Variants in JHY observed in about 807,000 individuals in gnomAD.
JHY encodes the protein junctional cadherin complex regulator.
Under a neutral mutation model 78.0 loss-of-function variants are expected in JHY, and 69 were observed. That is an observed-to-expected ratio of 0.88 (90% CI 0.73 to 1.08). The LOEUF is 1.08. Ranked by LOEUF, JHY falls within the 50% of genes least tolerant of loss-of-function variation. JHY has a pLI of 0.00. For missense variants in JHY, 944 were observed against 927.8 expected, an observed-to-expected ratio of 1.02 and a Z score of -0.23; for synonymous variants, 368 against 342.6, an observed-to-expected ratio of 1.07 and a Z score of -0.82.
At chr11:122,924,459 G>A (rs542314017) in intron 3 of JHY, among the ~76,000 whole-genome samples, 14 of 152,284 alleles carry the variant, frequency 9.2e-5, no homozygotes, top group South Asian at 2.1e-4. Flanking sequence ...AGAACTAAGG[G>A]CCTAGGACAG....
chr11:122,954,429 A>T (rs1202841357), intron 6 of JHY, among the ~76,000 whole-genome samples: 1 of 152,244 alleles, frequency 6.6e-6, no homozygotes, highest in Non-Finnish European at 1.5e-5. Context: ...TACTCAGTAG[A>T]CCACAGTGAG....
chr11:122,920,151 G>T (rs767086672), intron 3 of JHY, among the ~76,000 whole-genome samples: 1 of 152,180 alleles, frequency 6.6e-6, no homozygotes, highest in Non-Finnish European at 1.5e-5. Flanking sequence ...ACACAGCAAG[G>T]TATATTAGAA....
intron 2 of JHY, among the ~76,000 whole-genome samples, chr11:122,888,265 C>T (rs953755803): frequency 6.6e-6 from 1 of 152,176 alleles, no homozygotes; most frequent in Non-Finnish European, 1.5e-5. Flanking sequence ...TGAGATGCAG[C>T]AGCGTTTAAG....
chr11:122,910,424 C>T (rs1253121274), intron 3 of JHY, among the ~76,000 whole-genome samples: 4 of 151,554 alleles, frequency 2.6e-5, no homozygotes, highest in African/African-American at 7.3e-5. Flanking sequence ...GAGCCAAGAT[C>T]GCACCACTGC....
chr11:122,956,548 G>A lies in JHY; in HGVS notation c.1982G>A (p.Gly661Glu), dbSNP rs548654846. The change falls in exon 7 of 9, where the codon GGA becomes GAA. Residue 661 changes from glycine (G) to glutamate (E), a missense_variant. By Grantham distance (98) the Gly-to-Glu change is moderately conservative (BLOSUM62 -2). Transcript: ENST00000227349. The stretch of plus-strand genomic sequence containing the variant: ...AGAGACGTGAAGCTTGGAGGCCTCG[G>A]ACCTGACTTTGAGTCCATCAGAGAC... The part of the protein sequence containing the change: ...QKRDVKLGGL[G>E]PDFESIRDKT... The A allele has an allele frequency of 7.4e-6, 12 of 1,613,668 alleles. No homozygotes were observed. Among genetic ancestry groups the A allele is most frequent in the African/African-American group, 6.7e-5 (5 of 75,004 alleles).
chr11:122,957,260 GATAA>G lies in JHY; in HGVS notation c.2011-102_2011-99del, dbSNP rs1864212032. 10 of 1,313,654 alleles carry G rather than the reference GATAA, an allele frequency of 7.6e-6. No homozygotes were observed. The East Asian group carries it at 2.8e-4, about 37-fold the overall frequency. 81.4% of individuals were successfully genotyped at this position (1,313,654 alleles called of 1,614,324 possible). ...GTGATCCCATTGCTCCTGTACAGCT[GATAA>G]GATACGCCCAGTATACTGAAACCAG... is the stretch of plus-strand genomic sequence containing the variant. On this transcript the variant is annotated intron_variant, in intron 7 of 8. Coordinates refer to ENST00000227349, the MANE Select transcript of JHY (RefSeq NM_024806.4).
intron 3 of JHY, among the ~76,000 whole-genome samples, chr11:122,918,807 A>G (rs1243424269): frequency 6.6e-6 from 1 of 150,570 alleles, no homozygotes; most frequent in Non-Finnish European, 1.5e-5. Flanking sequence ...GGTGAGTAGT[A>G]CCCGTAGAGC....
chr11:122,906,580 G>A (rs1356556756), intron 3 of JHY, among the ~76,000 whole-genome samples: 2 of 152,148 alleles, frequency 1.3e-5, no homozygotes, highest in East Asian at 1.9e-4. Flanking sequence ...AAGCTGATCC[G>A]GAAGGAGAAC....
chr11:122,918,881 C>T (rs1863291745), intron 3 of JHY, among the ~76,000 whole-genome samples: 1 of 151,808 alleles, frequency 6.6e-6, no homozygotes, highest in African/African-American at 2.4e-5. Flanking sequence ...ATTTACAGTC[C>T]AGAAGGGGGG....
In JHY at chr11:122,934,917, T is replaced by C; in HGVS notation, c.1476T>C (p.Asp492=). 1 of 1,614,018 alleles carries C rather than the reference T, an allele frequency of 6.2e-7. No homozygotes were observed. The highest frequency in any genetic ancestry group is 1.3e-5 in the African/African-American group (1 of 74,914). Residue 492 remains aspartate (D), a synonymous_variant, in exon 5 of 9, where the codon GAT becomes GAC. Coordinates refer to ENST00000227349, the MANE Select transcript of JHY (RefSeq NM_024806.4). ...YQQLHTLSDM[D]LNNLNELSKR... ...AGCTACACACCCTTTCTGACATGGA[T>C]TTGAACAACCTTAATGAACTTTCTA... is the stretch of plus-strand genomic sequence containing the variant.
Position 122,934,449 on chromosome 11 carries a change from A to T in JHY, c.1008A>T (p.Glu336Asp). The T allele has an allele frequency of 6.2e-7, 1 of 1,613,578 alleles. No individual in the cohort carries two copies. The highest frequency in any genetic ancestry group is 1.1e-5 in the South Asian group (1 of 90,998). ...KNYQEHWSQY[E>D]STKSSNVPRG... ...ACCAGGAACACTGGTCTCAATATGA[A>T]AGTACAAAATCAAGCAATGTACCAA... The change falls in exon 5 of 9, where the codon GAA (glutamate) becomes GAT (aspartate). Residue 336 changes from glutamate (E) to aspartate (D), a missense_variant. Coordinates refer to ENST00000227349, the MANE Select transcript of JHY (RefSeq NM_024806.4).
At chr11:122,927,933 G>A (rs938788631) in intron 4 of JHY, among the ~76,000 whole-genome samples, 1 of 152,146 alleles carries the variant, frequency 6.6e-6, no homozygotes, top group Admixed American at 6.5e-5. Context: ...GTTTCACCAT[G>A]TTGGCCAGGC....
At chr11:122,904,847 G>A (rs773438089) in intron 3 of JHY, among the ~76,000 whole-genome samples, 1 of 152,126 alleles carries the variant, frequency 6.6e-6, no homozygotes, top group Non-Finnish European at 1.5e-5. Flanking sequence ...TTGATTCCCT[G>A]TGTTGATTTC....
At chr11:122,929,205 G>C (rs1863583405) in intron 4 of JHY, among the ~76,000 whole-genome samples, 1 of 151,396 alleles carries the variant, frequency 6.6e-6, no homozygotes, top group African/African-American at 2.4e-5. Flanking sequence ...GGGATTACAG[G>C]TGTGAGCCAC....
intron 2 of JHY, 150 bp downstream of exon 2, chr11:122,886,343 A>G (rs1373612269): frequency 6.8e-6 from 5 of 740,254 alleles, no homozygotes; most frequent in Non-Finnish European, 1.1e-5. Context: ...ATAGCTGGGC[A>G]CCATGTTTTT....
At chr11:122,931,558 G>T (rs77264104) in intron 4 of JHY, among the ~76,000 whole-genome samples, 2,118 of 152,224 alleles carry the variant, frequency 0.014, 21 homozygotes, top group Non-Finnish European at 0.021. Context: ...GATGGAATTT[G>T]TATCTCGGGC....
At chr11:122,955,061 T>C (rs1435814904) in intron 6 of JHY, among the ~76,000 whole-genome samples, 1 of 152,192 alleles carries the variant, frequency 6.6e-6, no homozygotes, top group Non-Finnish European at 1.5e-5. Context: ...AACTGAAATT[T>C]AAAAAGGATG....
intron 6 of JHY, among the ~76,000 whole-genome samples, chr11:122,953,331 A>G (rs1240051079): frequency 6.6e-6 from 1 of 152,142 alleles, no homozygotes; most frequent in African/African-American, 2.4e-5. Flanking sequence ...GGCTGGGCAC[A>G]GTGGCTCACC....
chr11:122,901,077 T>C (rs1396428718), intron 2 of JHY, among the ~76,000 whole-genome samples: 6 of 152,210 alleles, frequency 3.9e-5, no homozygotes, highest in Non-Finnish European at 4.4e-5. Flanking sequence ...TAGAGTGCAC[T>C]TACACAAACC....
Sources: gnomAD v4.1 joint callset for allele counts (sites outside exome capture counted in the v4.1 genomes callset) on GRCh38, gnomAD v4.1.1 for gene constraint, MANE v1.5 for transcripts, NCBI Gene and HGNC (gene_info 2026-07-23, HGNC 2026-07-21) for gene names.